The following TMC5 variants were observed in gnomAD, a reference collection of about 807,000 sequenced individuals.
TMC5 encodes transmembrane channel like 5, also known as transmembrane channel-like protein 5.
In TMC5, 86 loss-of-function variants were observed where a neutral mutation model predicts 110.5. That is an observed-to-expected ratio of 0.78 (90% CI 0.65 to 0.93). The LOEUF (loss-of-function observed/expected upper bound fraction) is 0.93. Among genes scored for constraint, TMC5 ranks in the 40% least tolerant of loss-of-function variants. The pLI, the probability that TMC5 is intolerant of heterozygous loss-of-function variation, is 0.00. For synonymous variants in TMC5, 455 were observed against 439.5 expected, an observed-to-expected ratio of 1.04 and a Z score of -0.44; for missense variants, 1,144 against 1,222.8, an observed-to-expected ratio of 0.94 and a Z score of 0.96.
chr16:19,466,350 C>T lies in TMC5; in HGVS notation c.1637+117C>T, dbSNP rs995149766. The T allele has an allele frequency of 1.9e-5, 20 of 1,056,564 alleles. No individual in the cohort carries two copies. The African/African-American group carries it at 2.9e-4, about 15-fold the overall frequency. 65.4% of individuals were successfully genotyped at this position (1,056,564 alleles called of 1,614,324 possible). A position where few individuals can be genotyped will look rare whatever the true frequency, so the allele number is the denominator to read the frequency against. On this transcript the variant is annotated intron_variant, in intron 9 of 21. Transcript: ENST00000542583. ...CTCTGCAGTCCTCTCCTCTCCTCTCCTCTCTTTTCTTTTCTTTCTTAGATA... is the reference window on the plus strand; with the variant it reads ...CTCTGCAGTCCTCTCCTCTCCTCTCTTCTCTTTTCTTTTCTTTCTTAGATA...
upstream of TMC5, among the ~76,000 whole-genome samples, chr16:19,417,440 A>AAAAG (rs1567293539): frequency 1.4e-5 from 2 of 142,182 alleles, no homozygotes; most frequent in African/African-American, 5.1e-5. Context: ...AAAAAAAAAA[A>AAAAG]GGAGCCAGTG....
intron 1 of TMC5, chr16:19,411,538 A>C (rs1966855797): frequency 1.3e-5 from 2 of 152,186 alleles, no homozygotes; most frequent in Admixed American, 6.5e-5. Flanking sequence ...CAAACTCCGG[A>C]GACTGAATAT....
At chr16:19,453,092 A>G (rs1041414652) in intron 5 of TMC5, among the ~76,000 whole-genome samples, 1 of 151,758 alleles carries the variant, frequency 6.6e-6, no homozygotes, top group Non-Finnish European at 1.5e-5. Flanking sequence ...AGAGGACCAA[A>G]AGATGAACCT....
chr16:19,452,312 C>A (rs76109315), intron 5 of TMC5, among the ~76,000 whole-genome samples: 1 of 152,154 alleles, frequency 6.6e-6, no homozygotes, highest in South Asian at 2.1e-4. Flanking sequence ...GGTGAGCCAC[C>A]CTCCAGGAAC....
intron 12 of TMC5, 86 bp downstream of exon 12, chr16:19,474,362 C>T (rs1968434195): frequency 4.8e-6 from 7 of 1,458,828 alleles, no homozygotes; most frequent in Non-Finnish European, 6.5e-6. Flanking sequence ...GCTTTAGTAT[C>T]AAAGTTTTTT....
intron 1 of TMC5, among the ~76,000 whole-genome samples, chr16:19,412,417 G>C (rs1386026150): frequency 2.0e-5 from 3 of 151,396 alleles, no homozygotes; most frequent in Non-Finnish European, 4.4e-5. Context: ...CCAGGCTGGA[G>C]TGCAATGGTG....
chr16:19,422,239 AAAAG>A (rs1967000519), intron 1 of TMC5, among the ~76,000 whole-genome samples: 1 of 151,988 alleles, frequency 6.6e-6, no homozygotes, highest in South Asian at 2.1e-4. Flanking sequence ...TCAAAAAAAA[AAAAG>A]AGAGAGAGAG....
At chr16:19,473,998 A>G (rs1968417688) in intron 11 of TMC5, 127 bp from the exon 12 acceptor site, 1 of 863,696 alleles carries the variant, frequency 1.2e-6, no homozygotes, top group Admixed American at 2.8e-5. Context: ...TAAAATAAAT[A>G]AATAGATAAA....
At chr16:19,440,993 A>G (rs1206503770) in intron 3 of TMC5, among the ~76,000 whole-genome samples, 167 bp downstream of exon 3, 1 of 152,188 alleles carries the variant, frequency 6.6e-6, no homozygotes, top group Non-Finnish European at 1.5e-5. Context: ...TACCTGGGCC[A>G]TGGACTCTCA....
chr16:19,422,624 G>A lies in TMC5; in HGVS notation c.-308+4532G>A, dbSNP rs565309330. ...AGGTGGGAGGATCTCTTGAGCCCAG[G>A]CATTAGAAATCAGCCTGGGTGCAAC... On this transcript the variant is annotated intron_variant, in intron 1 of 21. Transcript: ENST00000542583. 7.9e-5 allele frequency among the ~76,000 whole-genome samples: 12 copies of A among 152,174 alleles called. No homozygotes were observed. The South Asian group carries it at 2.3e-3, about 29-fold the overall frequency.
At chr16:19,448,914 T>A (rs1194694049) in intron 4 of TMC5, among the ~76,000 whole-genome samples, 1 of 148,828 alleles carries the variant, frequency 6.7e-6, no homozygotes, top group Non-Finnish European at 1.5e-5. Flanking sequence ...CAAGCTGGTG[T>A]GCAGTGGCGC....
intron 1 of TMC5, among the ~76,000 whole-genome samples, chr16:19,423,150 G>T (rs775463281): frequency 2.0e-5 from 3 of 152,046 alleles, no homozygotes; most frequent in Non-Finnish European, 4.4e-5. Flanking sequence ...TTGTTTCATT[G>T]TTTATAATTT....
At chr16:19,423,170 T>G (rs1967022063) in intron 1 of TMC5, among the ~76,000 whole-genome samples, 1 of 152,206 alleles carries the variant, frequency 6.6e-6, no homozygotes, top group African/African-American at 2.4e-5. Context: ...TGTTGTTTCC[T>G]TCATAGCGAT....
At chr16:19,419,415 T>TTG (rs1368476250) in intron 1 of TMC5, among the ~76,000 whole-genome samples, 1 of 131,788 alleles carries the variant, frequency 7.6e-6, no homozygotes, top group Non-Finnish European at 1.6e-5. Context: ...TTTTTTTTTT[T>TTG]TTTTTTTTTT....
At chr16:19,427,542 G>A (rs1231938831) in intron 1 of TMC5, among the ~76,000 whole-genome samples, 1 of 152,132 alleles carries the variant, frequency 6.6e-6, no homozygotes, top group Non-Finnish European at 1.5e-5. Flanking sequence ...CATGTGGCTA[G>A]TGGCTGCCAT....
intron 8 of TMC5, among the ~76,000 whole-genome samples, chr16:19,465,360 C>T (rs1241013941): frequency 6.6e-6 from 1 of 151,928 alleles, no homozygotes; most frequent in East Asian, 1.9e-4. Flanking sequence ...ATGGCAAAAC[C>T]CCATCTCTAC....
chr16:19,429,839 C>T (rs1424688627), intron 1 of TMC5, among the ~76,000 whole-genome samples: 4 of 152,010 alleles, frequency 2.6e-5, no homozygotes, highest in Admixed American at 1.3e-4. Context: ...GGGATTACGG[C>T]GGGAATCACT....
intron 2 of TMC5, among the ~76,000 whole-genome samples, chr16:19,433,491 G>A (rs951826222): frequency 8.5e-5 from 13 of 152,138 alleles, no homozygotes; most frequent in Admixed American, 8.5e-4. Context: ...AGCCCCTCTT[G>A]GAGTTAGAGC....
At chr16:19,425,906 C>T (rs962071163) in intron 1 of TMC5, among the ~76,000 whole-genome samples, 2 of 152,174 alleles carry the variant, frequency 1.3e-5, no homozygotes, top group African/African-American at 4.8e-5. Flanking sequence ...AGGCTGATCT[C>T]AAACTCCTGA....
Sources: gnomAD v4.1 joint callset for allele counts (sites outside exome capture counted in the v4.1 genomes callset) on GRCh38, gnomAD v4.1.1 for gene constraint, MANE v1.5 for transcripts, NCBI Gene and HGNC (gene_info 2026-07-23, HGNC 2026-07-21) for gene names.